CCDC196: variants seen among roughly 807,000 people sequenced by gnomAD.
CCDC196 encodes coiled-coil domain containing 196, also known as coiled-coil domain-containing protein 196.
intron 4 of CCDC196, among the ~76,000 whole-genome samples, 188 bp from the exon 5 acceptor site, chr14:66,490,554 G>C (rs961377817): frequency 2.6e-5 from 4 of 152,076 alleles, no homozygotes; most frequent in African/African-American, 7.2e-5. Flanking sequence ...TTCCTATAAG[G>C]TACACTCAAG....
In CCDC196 at chr14:66,488,267, G is replaced by C; in HGVS notation, c.300+11G>C. On this transcript the variant is annotated intron_variant, in intron 3 of 9. Coordinates refer to ENST00000636229, the MANE Select transcript of CCDC196 (RefSeq NM_001351576.1). Reference sequence around the variant, plus strand: ...ATGAAACAGAACTTGGTAAGAAGTAGGAGGGACTCCAGGAACAGCCTCCTG... The same window carrying C: ...ATGAAACAGAACTTGGTAAGAAGTACGAGGGACTCCAGGAACAGCCTCCTG... The C allele has an allele frequency of 2.4e-6, 1 of 412,666 alleles. No individual in the cohort carries two copies. Among genetic ancestry groups the C allele is most frequent in the East Asian group, 3.6e-5 (1 of 28,062 alleles). 25.6% of individuals were successfully genotyped at this position (412,666 alleles called of 1,614,324 possible). A position where few individuals can be genotyped will look rare whatever the true frequency, so the allele number is the denominator to read the frequency against.
chr14:66,494,299 G>C (rs962691220), intron 8 of CCDC196, among the ~76,000 whole-genome samples: 6 of 152,086 alleles, frequency 3.9e-5, no homozygotes, highest in Non-Finnish European at 5.9e-5. Context: ...GAGCCCAAGT[G>C]GATTTGAAAT....
At chr14:66,496,370 T>G in intron 8 of CCDC196, 1 of 456,164 alleles carries the variant, frequency 2.2e-6, no homozygotes, top group Non-Finnish European at 4.4e-6. Context: ...TGTGTTAATA[T>G]TACTGATTTT....
intron 2 of CCDC196, among the ~76,000 whole-genome samples, 199 bp downstream of exon 2, chr14:66,487,008 T>C (rs1156501330): frequency 6.6e-6 from 1 of 152,160 alleles, no homozygotes; most frequent in Non-Finnish European, 1.5e-5. Flanking sequence ...AAATTAAATA[T>C]GACTCAGCCC....
chr14:66,494,051 G>A (rs1183371381), intron 8 of CCDC196: 1 of 152,196 alleles, frequency 6.6e-6, no homozygotes, highest in Non-Finnish European at 1.5e-5. Flanking sequence ...CTCCTTGCAT[G>A]TAAAACATTG....
chr14:66,490,888 CA>C (rs1345034771), intron 5 of CCDC196, 69 bp downstream of exon 5: 1 of 408,242 alleles, frequency 2.4e-6, no homozygotes, highest in East Asian at 3.6e-5. Flanking sequence ...AGCCTGCTGA[CA>C]ATCAGGGCTA....
At chr14:66,488,306 T>C (rs868321377) in intron 3 of CCDC196, 50 bp downstream of exon 3, 1 of 410,454 alleles carries the variant, frequency 2.4e-6, no homozygotes, top group African/African-American at 2.1e-5. Context: ...AGGGCTCAAT[T>C]CCATTGCAGT....
At chr14:66,487,244 G>C (rs954659889) in intron 2 of CCDC196, among the ~76,000 whole-genome samples, 2 of 152,092 alleles carry the variant, frequency 1.3e-5, no homozygotes, top group Non-Finnish European at 2.9e-5. Flanking sequence ...AAATATACTA[G>C]GCAGCTGAAG....
chr14:66,496,145 T>G (rs2057660546), intron 8 of CCDC196: 1 of 370,988 alleles, frequency 2.7e-6, no homozygotes, highest in Non-Finnish European at 5.3e-6. Flanking sequence ...TCAAAAGAAT[T>G]GAATTGCACA....
intron 2 of CCDC196, among the ~76,000 whole-genome samples, chr14:66,487,057 C>G (rs2057419438): frequency 6.6e-6 from 1 of 152,124 alleles, no homozygotes; most frequent in South Asian, 2.1e-4. Flanking sequence ...CCTCCCCAGG[C>G]TGCCCACCCA....
chr14:66,492,294 C>G (rs2057558103), intron 8 of CCDC196, 100 bp downstream of exon 8: 1 of 404,100 alleles, frequency 2.5e-6, no homozygotes, highest in South Asian at 1.4e-4. Context: ...GCCTGGCACA[C>G]AGTAAGTTAA....
chr14:66,487,355 T>C (rs1374627375), intron 2 of CCDC196, among the ~76,000 whole-genome samples: 1 of 152,158 alleles, frequency 6.6e-6, no homozygotes, highest in Non-Finnish European at 1.5e-5. Context: ...ATCTTTATTC[T>C]ATACCCTTAT....
intron 8 of CCDC196, chr14:66,496,749 T>C (rs2057676296): frequency 5.9e-6 from 1 of 168,478 alleles, no homozygotes. Context: ...TCTTCAGCAA[T>C]AATATAACTT....
rs184806571 is a variant in CCDC196, at chr14:66,493,592, G to T, written c.715+1398G>T. Among the ~76,000 whole-genome samples, 6 of 152,140 alleles carry T rather than the reference G, an allele frequency of 3.9e-5. No homozygotes were observed. The East Asian group carries it at 5.8e-4, about 15-fold the overall frequency. ...GTTCTTTGGCATAATCTGATAAAAA[G>T]ATATTAATCTGAAATTTATTTTAAG... On this transcript the variant is annotated intron_variant, in intron 8 of 9. Transcript: ENST00000636229.
At chr14:66,493,847 TA>T (rs1401430813) in intron 8 of CCDC196, 3 of 152,194 alleles carry the variant, frequency 2.0e-5, no homozygotes, top group African/African-American at 7.2e-5. Flanking sequence ...GATACAAATT[TA>T]AAAGACAGAA....
At chr14:66,494,703 T>C (rs1165354488) in intron 8 of CCDC196, 1 of 152,174 alleles carries the variant, frequency 6.6e-6, no homozygotes, top group Non-Finnish European at 1.5e-5. Flanking sequence ...ATCTATTTTA[T>C]CTCCATTAGG....
intron 8 of CCDC196, chr14:66,496,248 G>A: frequency 2.2e-6 from 1 of 456,210 alleles, no homozygotes; most frequent in South Asian, 1.5e-5. Context: ...TTTCCAAGTA[G>A]ATGAAGAGTT....
rs112147807 is a variant in CCDC196 at position 66,486,891 on chromosome 14, AT to A, written c.203+93del. 5.3e-3 allele frequency: 1,657 copies of A among 315,436 alleles called. 1 individual carries two copies. The highest frequency in any genetic ancestry group is 0.017 in the East Asian group (333 of 19,616). The allele number at this position is 315,436 out of a possible 1,614,324, so 19.5% of individuals were successfully genotyped here. A position where few individuals can be genotyped will look rare whatever the true frequency, so the allele number is the denominator to read the frequency against. On this transcript the variant is annotated intron_variant, in intron 2 of 9. Transcript: ENST00000636229. Reference sequence around the variant, plus strand: ...AAAGGACTGGCAATAATTACTTACAATTTTTTTTTTTGTTAATTACTAAAGG... The same window carrying A: ...AAAGGACTGGCAATAATTACTTACAATTTTTTTTTTGTTAATTACTAAAGG...
chr14:66,487,668 G>T (rs2057438979), intron 2 of CCDC196, among the ~76,000 whole-genome samples: 1 of 152,176 alleles, frequency 6.6e-6, no homozygotes, highest in East Asian at 1.9e-4. Context: ...GCATTCTCTG[G>T]GGCTATGAAA....
Sources: gnomAD v4.1 joint callset for allele counts (sites outside exome capture counted in the v4.1 genomes callset) on GRCh38, gnomAD v4.1.1 for gene constraint, MANE v1.5 for transcripts, NCBI Gene and HGNC (gene_info 2026-07-23, HGNC 2026-07-21) for gene names.